SLC38A6: variants seen among roughly 807,000 people sequenced by gnomAD.
SLC38A6 encodes the protein solute carrier family 38 member 6.
In SLC38A6, 73 loss-of-function variants were observed where a neutral mutation model predicts 65.0. The observed-to-expected ratio is 1.12, with a 90% confidence interval of 0.93 to 1.37. The LOEUF (loss-of-function observed/expected upper bound fraction) is 1.37, where lower values mean the gene tolerates loss of function less well. Ranked by LOEUF, SLC38A6 falls within the 40% of genes most tolerant of loss-of-function variation. The pLI is 0.00. For synonymous variants in SLC38A6, 183 were observed against 178.8 expected (o/e 1.02, Z -0.19); for missense variants, 561 against 531.1 (o/e 1.06, Z -0.55).
At chr14:61,054,170 G>A (rs2042626396), downstream of SLC38A6, among the ~76,000 whole-genome samples, 1 of 152,096 alleles carries the variant, frequency 6.6e-6, no homozygotes, top group South Asian at 2.1e-4. Flanking sequence ...CTTTGTTGAA[G>A]ATCAGATGGT....
At chr14:61,008,030 T>A (rs1215764567) in intron 3 of SLC38A6, among the ~76,000 whole-genome samples, 1 of 152,180 alleles carries the variant, frequency 6.6e-6, no homozygotes, top group Non-Finnish European at 1.5e-5. Context: ...TAACTTAATT[T>A]TATGTTCTAA....
intron 3 of SLC38A6, among the ~76,000 whole-genome samples, chr14:61,011,625 A>G (rs1332468695): frequency 6.6e-6 from 1 of 152,238 alleles, no homozygotes; most frequent in African/African-American, 2.4e-5. Flanking sequence ...CCTTTTCTGC[A>G]TCTATTGAGA....
intron 3 of SLC38A6, among the ~76,000 whole-genome samples, chr14:60,985,045 A>G (rs574937217): frequency 1.3e-5 from 2 of 152,266 alleles, no homozygotes; most frequent in East Asian, 3.9e-4. Flanking sequence ...AACACAACCT[A>G]ATTTTCTGGA....
intron 5 of SLC38A6, among the ~76,000 whole-genome samples, chr14:61,021,788 C>T (rs187703481): frequency 6.6e-6 from 1 of 152,246 alleles, no homozygotes; most frequent in East Asian, 1.9e-4. Flanking sequence ...ATTAAGTGCC[C>T]AGTCAGTAAT....
downstream of SLC38A6, among the ~76,000 whole-genome samples, chr14:61,053,294 T>G (rs1016019569): frequency 6.6e-6 from 1 of 152,158 alleles, no homozygotes; most frequent in Admixed American, 6.5e-5. Flanking sequence ...TATAGGGTGA[T>G]TCCATGTCTT....
intron 5 of SLC38A6, among the ~76,000 whole-genome samples, chr14:61,023,879 A>C (rs1276223372): frequency 6.6e-6 from 1 of 152,090 alleles, no homozygotes; most frequent in Non-Finnish European, 1.5e-5. Context: ...AAATCAAATT[A>C]ATGTGCTCAT....
chr14:61,015,497 T>G (rs964140257), intron 3 of SLC38A6, among the ~76,000 whole-genome samples: 7 of 142,134 alleles, frequency 4.9e-5, no homozygotes, highest in African/African-American at 1.6e-4. Context: ...TATGTACAGC[T>G]TGAGAGAAAG....
intron 3 of SLC38A6, among the ~76,000 whole-genome samples, chr14:61,009,246 C>T (rs955811676): frequency 2.0e-5 from 3 of 152,116 alleles, no homozygotes; most frequent in East Asian, 1.9e-4. Context: ...TCAGCCTACA[C>T]AGATTAACTT....
chr14:61,036,536 C>T lies in SLC38A6; in HGVS notation c.483-523C>T, dbSNP rs549799270. On this transcript the variant is annotated intron_variant, in intron 6 of 15. Coordinates refer to ENST00000267488, the MANE Select transcript of SLC38A6 (RefSeq NM_153811.3). ...ATGACGGGTTGATAGGTGCAGCATACCACCATGGCACATGTATACCTACGT... is the reference window on the plus strand; with the variant it reads ...ATGACGGGTTGATAGGTGCAGCATATCACCATGGCACATGTATACCTACGT... Among the ~76,000 whole-genome samples, 3 of 152,106 alleles carry T rather than the reference C, an allele frequency of 2.0e-5. No individual in the cohort carries two copies. The South Asian group carries it at 6.2e-4, about 32-fold the overall frequency.
chr14:61,054,549 T>A (rs1355829461), downstream of SLC38A6, among the ~76,000 whole-genome samples: 1 of 152,226 alleles, frequency 6.6e-6, no homozygotes, highest in Non-Finnish European at 1.5e-5. Context: ...TCTGATTTAT[T>A]TAAGCAGTGT....
chr14:61,068,461 T>G (rs752921808), intron 15 of SLC38A6, among the ~76,000 whole-genome samples: 15 of 152,200 alleles, frequency 9.9e-5, no homozygotes, highest in Non-Finnish European at 4.4e-5. Flanking sequence ...CAATGTATCT[T>G]TCATTCTCCA....
intron 6 of SLC38A6, among the ~76,000 whole-genome samples, chr14:61,036,382 G>C (rs1442590215): frequency 6.7e-6 from 1 of 149,520 alleles, no homozygotes; most frequent in African/African-American, 2.4e-5. Flanking sequence ...TCGTAAGTGA[G>C]AGTTGAGCAA....
chr14:61,069,175 A>G (rs1331333687), intron 15 of SLC38A6, among the ~76,000 whole-genome samples: 1 of 152,162 alleles, frequency 6.6e-6, no homozygotes, highest in African/African-American at 2.4e-5. Flanking sequence ...GATGACTCCA[A>G]TGCACAACTA....
chr14:61,005,525 T>C (rs1205357379), intron 3 of SLC38A6, among the ~76,000 whole-genome samples: 4 of 151,126 alleles, frequency 2.6e-5, no homozygotes, highest in Non-Finnish European at 5.9e-5. Flanking sequence ...ACAAGCATTC[T>C]TATACACCAA....
intron 2 of SLC38A6, among the ~76,000 whole-genome samples, chr14:60,983,127 T>TAGA (rs1440711029): frequency 6.6e-6 from 1 of 152,232 alleles, no homozygotes; most frequent in Admixed American, 6.5e-5. Context: ...TTGCCCAAAA[T>TAGA]AGAAGACAAT....
At chr14:61,015,007 T>C (rs1200252318) in intron 3 of SLC38A6, among the ~76,000 whole-genome samples, 3 of 152,186 alleles carry the variant, frequency 2.0e-5, no homozygotes, top group African/African-American at 7.2e-5. Flanking sequence ...CACGCAGGGC[T>C]CCTTGAGCTG....
intron 5 of SLC38A6, among the ~76,000 whole-genome samples, chr14:61,021,943 C>G (rs2040364605): frequency 6.6e-6 from 1 of 152,146 alleles, no homozygotes; most frequent in Non-Finnish European, 1.5e-5. Flanking sequence ...ATTCTGTCTA[C>G]TCCAGTCTCT....
chr14:61,051,980 C>A (rs1157615282), intron 14 of SLC38A6, 49 bp downstream of exon 14: 1 of 1,601,674 alleles, frequency 6.2e-7, no homozygotes, highest in Non-Finnish European at 8.5e-7. Flanking sequence ...GATAAAATTG[C>A]TACCCAGCCT....
chr14:60,984,993 G>A (rs973907092), intron 3 of SLC38A6, among the ~76,000 whole-genome samples, 190 bp downstream of exon 3: 6 of 152,154 alleles, frequency 3.9e-5, no homozygotes, highest in African/African-American at 1.4e-4. Context: ...CCAAGCACAG[G>A]ATGGGAGGAG....
Sources: allele counts gnomAD v4.1 joint callset (sites outside exome capture counted in the v4.1 genomes callset), GRCh38; gene constraint gnomAD v4.1.1; transcripts MANE v1.5; gene names NCBI Gene and HGNC (gene_info 2026-07-23, HGNC 2026-07-21).